Variants in COL4A6 observed in about 807,000 individuals in gnomAD.
COL4A6 encodes the protein collagen alpha-6(IV) chain.
COL4A6 carries 59 observed loss-of-function variants against 126.7 expected under a neutral mutation model. The ratio of observed to expected loss-of-function variants is 0.47; its 90% CI spans 0.38 to 0.58. COL4A6 has a LOEUF of 0.58. Among genes scored for constraint, COL4A6 ranks in the 20% least tolerant of loss-of-function variants. The probability of loss-of-function intolerance (pLI) is 0.00; values close to 1 mark genes in which losing one functional copy is unlikely to be tolerated. For synonymous variants in COL4A6, 547 were observed against 496.6 expected (o/e 1.10, Z -1.35); for missense variants, 1,285 against 1,337.3 (o/e 0.96, Z 0.61).
intron 9 of COL4A6, 43 bp from the exon 10 acceptor site, chrX:108,205,738 T>C (rs1175864228): frequency 1.8e-6 from 2 of 1,125,399 alleles, no homozygotes; most frequent in Non-Finnish European, 2.4e-6. Flanking sequence ...CACTTGTTAG[T>C]TTCAGTCAAA....
intron 8 of COL4A6, 56 bp from the exon 9 acceptor site, chrX:108,206,636 T>C: frequency 1.0e-6 from 1 of 982,174 alleles, no homozygotes; most frequent in Non-Finnish European, 1.5e-6. Flanking sequence ...CCAAGAAAAA[T>C]GAAAATATGT....
intron 37 of COL4A6, among the ~76,000 whole-genome samples, chrX:108,167,283 A>C (rs757788514): frequency 8.9e-6 from 1 of 112,194 alleles, no homozygotes; most frequent in Admixed American, 9.5e-5. Flanking sequence ...AGTATCATTG[A>C]AAGTTATTTA....
chrX:108,246,674 T>C (rs1178376723), intron 3 of COL4A6, among the ~76,000 whole-genome samples: 1 of 111,326 alleles, frequency 9.0e-6, no homozygotes, highest in Non-Finnish European at 1.9e-5. Flanking sequence ...TCGCAGCCGC[T>C]GACTACTACT....
At chrX:108,309,735 G>C (rs2038715857) in intron 3 of COL4A6, among the ~76,000 whole-genome samples, 2 of 107,943 alleles carry the variant, frequency 1.9e-5, no homozygotes, top group African/African-American at 6.8e-5. Context: ...TGAGTGTGAT[G>C]AGAGTGTATT....
Position 108,432,193 on chromosome X carries a change from C to T in COL4A6, c.63+5749G>A, listed in dbSNP as rs1051983172. ...TAGTGATATGTCTTTATACATTTTC[C>T]TTTTGACCTATTTCTTTGTGAATAC... On this transcript the variant is annotated intron_variant, in intron 2 of 44. Transcript: ENST00000334504. 2.7e-5 allele frequency among the ~76,000 whole-genome samples: 3 copies of T among 111,978 alleles called. No homozygotes were observed. In the South Asian group the frequency reaches 1.1e-3, roughly 42 times the overall value.
At chrX:108,413,495 G>A (rs2041370695) in intron 2 of COL4A6, among the ~76,000 whole-genome samples, 1 of 110,802 alleles carries the variant, frequency 9.0e-6, no homozygotes, top group Admixed American at 9.6e-5. Context: ...GTCTCGCTCT[G>A]TCGCCCAGGC....
chrX:108,279,952 A>G (rs1309588995), intron 3 of COL4A6, among the ~76,000 whole-genome samples: 1 of 111,355 alleles, frequency 9.0e-6, no homozygotes, highest in African/African-American at 3.3e-5. Flanking sequence ...CAATGAGAAC[A>G]AAGACACAAC....
intron 2 of COL4A6, among the ~76,000 whole-genome samples, chrX:108,394,711 A>G (rs756597300): frequency 1.8e-5 from 2 of 112,201 alleles, no homozygotes; most frequent in East Asian, 5.6e-4. Context: ...TGAATTGTTC[A>G]CTGATCAATT....
At chrX:108,216,962 T>A (rs1054822720) in intron 5 of COL4A6, among the ~76,000 whole-genome samples, 1 of 112,537 alleles carries the variant, frequency 8.9e-6, no homozygotes, top group Non-Finnish European at 1.9e-5. Context: ...ACTGAAAACA[T>A]TTGATAAACA....
chrX:108,408,293 AG>A (rs1267043227), intron 2 of COL4A6, among the ~76,000 whole-genome samples: 1 of 109,897 alleles, frequency 9.1e-6, no homozygotes, highest in Admixed American at 9.8e-5. Flanking sequence ...ACTGCACTTC[AG>A]CCTGGGTGAC....
intron 2 of COL4A6, among the ~76,000 whole-genome samples, chrX:108,370,704 CT>C (rs11313273): frequency 0.015 from 1,698 of 111,381 alleles, 28 homozygotes; most frequent in African/African-American, 0.053. Flanking sequence ...CTCTGGGCTG[CT>C]GCTGTCTCTA....
chrX:108,420,452 A>G (rs1257802499), intron 2 of COL4A6, among the ~76,000 whole-genome samples: 1 of 111,566 alleles, frequency 9.0e-6, no homozygotes, highest in Non-Finnish European at 1.9e-5. Flanking sequence ...GTTTGCTATG[A>G]CAGCATAACC....
intron 3 of COL4A6, among the ~76,000 whole-genome samples, chrX:108,276,185 T>C (rs917764619): frequency 1.8e-5 from 2 of 113,106 alleles, no homozygotes; most frequent in Admixed American, 1.9e-4. Context: ...GAATTGTATT[T>C]TCCAGACCTA....
intron 39 of COL4A6, 57 bp from the exon 40 acceptor site, chrX:108,164,755 G>A: frequency 8.4e-7 from 1 of 1,183,647 alleles, no homozygotes; most frequent in Non-Finnish European, 1.1e-6. Context: ...TGGTAGGGGT[G>A]GAGGATAGGC....
At chrX:108,283,887 G>A (rs1227286837) in intron 3 of COL4A6, among the ~76,000 whole-genome samples, 1 of 111,614 alleles carries the variant, frequency 9.0e-6, no homozygotes, top group East Asian at 2.8e-4. Flanking sequence ...TGGGCTGTGG[G>A]GGAGGAAGAT....
chrX:108,170,739 G>A (rs1233861285), intron 34 of COL4A6, 23 bp from the exon 35 acceptor site: 11 of 1,195,881 alleles, frequency 9.2e-6, no homozygotes, highest in Admixed American at 2.2e-5. Context: ...CCAAGGCAGA[G>A]GTTCAGAATG....
chrX:108,361,565 C>T (rs1451576328), intron 2 of COL4A6, among the ~76,000 whole-genome samples: 2 of 111,839 alleles, frequency 1.8e-5, no homozygotes. Context: ...TGCACTAAGT[C>T]ATCCCTGGGA....
intron 2 of COL4A6, among the ~76,000 whole-genome samples, chrX:108,350,995 G>T (rs2039826442): frequency 9.0e-6 from 1 of 111,366 alleles, no homozygotes; most frequent in Non-Finnish European, 1.9e-5. Context: ...GGCAAGGACA[G>T]TCAATCCCTC....
chrX:108,348,638 A>G (rs753171946), intron 2 of COL4A6, among the ~76,000 whole-genome samples: 4 of 111,917 alleles, frequency 3.6e-5, no homozygotes, highest in African/African-American at 1.3e-4. Context: ...TTTCAAAGAT[A>G]TCAATTGAGA....
Sources: allele counts gnomAD v4.1 joint callset (sites outside exome capture counted in the v4.1 genomes callset), GRCh38; gene constraint gnomAD v4.1.1; transcripts MANE v1.5; gene names NCBI Gene and HGNC (gene_info 2026-07-23, HGNC 2026-07-21).